Variants in ROBO2 observed in about 807,000 individuals in gnomAD.
ROBO2 encodes roundabout guidance receptor 2.
Under a neutral mutation model 160.8 loss-of-function variants are expected in ROBO2, and 53 were observed. The observed-to-expected ratio is 0.33, with a 90% confidence interval of 0.26 to 0.41. The LOEUF (loss-of-function observed/expected upper bound fraction) is 0.41. Among genes scored for constraint, ROBO2 ranks in the 10% least tolerant of loss-of-function variants. ROBO2 has a pLI of 1.00. For synonymous variants in ROBO2, 664 were observed against 611.7 expected (o/e 1.09, Z -1.26); for missense variants, 1,577 against 1,722.4 (o/e 0.92, Z 1.49).
chr3:77,532,481 A>C (rs2091813940), intron 6 of ROBO2, among the ~76,000 whole-genome samples: 1 of 151,492 alleles, frequency 6.6e-6, no homozygotes, highest in Non-Finnish European at 1.5e-5. Flanking sequence ...TATTTCAATA[A>C]CCTTTTCTTC....
chr3:76,697,935 C>T (rs2092962861), intron 2 of ROBO2, among the ~76,000 whole-genome samples: 2 of 152,052 alleles, frequency 1.3e-5, no homozygotes, highest in Admixed American at 1.3e-4. Context: ...ATATAGAATG[C>T]CTGTAGAAGC....
chr3:76,126,977 G>T (rs2071013270), intron 2 of ROBO2, among the ~76,000 whole-genome samples: 1 of 152,098 alleles, frequency 6.6e-6, no homozygotes, highest in Admixed American at 6.6e-5. Context: ...TCCTTTCCGT[G>T]TTTACCTCCA....
At chr3:76,415,832 A>G (rs2075736123) in intron 2 of ROBO2, among the ~76,000 whole-genome samples, 1 of 152,238 alleles carries the variant, frequency 6.6e-6, no homozygotes, top group African/African-American at 2.4e-5. Context: ...CACAATTTTA[A>G]TAAGAACAAA....
At chr3:76,885,473 A>C (rs2073782876) in intron 2 of ROBO2, among the ~76,000 whole-genome samples, 1 of 152,180 alleles carries the variant, frequency 6.6e-6, no homozygotes, top group Non-Finnish European at 1.5e-5. Flanking sequence ...TAAAGCTGTT[A>C]TACGTTTTAT....
intron 2 of ROBO2, among the ~76,000 whole-genome samples, chr3:76,515,297 G>A (rs896459994): frequency 1.3e-5 from 2 of 151,994 alleles, no homozygotes; most frequent in Non-Finnish European, 2.9e-5. Flanking sequence ...AAGCATTCAG[G>A]TGAAAGGGAA....
At chr3:76,797,273 T>C (rs552046981) in intron 2 of ROBO2, among the ~76,000 whole-genome samples, 2 of 152,028 alleles carry the variant, frequency 1.3e-5, no homozygotes, top group South Asian at 2.1e-4. Context: ...TGGAATAAAA[T>C]TGGAAATCAA....
intron 2 of ROBO2, among the ~76,000 whole-genome samples, chr3:76,536,751 G>C (rs1184375423): frequency 6.6e-6 from 1 of 152,004 alleles, no homozygotes; most frequent in Non-Finnish European, 1.5e-5. Flanking sequence ...GGAGAGGTCA[G>C]GATGACATTA....
chr3:76,840,340 T>C (rs879524147), intron 2 of ROBO2, among the ~76,000 whole-genome samples: 2 of 151,908 alleles, frequency 1.3e-5, no homozygotes, highest in Admixed American at 6.6e-5. Flanking sequence ...CTGGGCGCGG[T>C]AGCTCATACC....
chr3:76,823,691 G>A (rs2066317754), intron 2 of ROBO2, among the ~76,000 whole-genome samples: 1 of 152,118 alleles, frequency 6.6e-6, no homozygotes, highest in Non-Finnish European at 1.5e-5. Context: ...AAAGAGAATA[G>A]CAAAGCCCAA....
intron 2 of ROBO2, among the ~76,000 whole-genome samples, chr3:76,813,151 T>C (rs1474371245): frequency 6.6e-6 from 1 of 152,080 alleles, no homozygotes; most frequent in Non-Finnish European, 1.5e-5. Context: ...AAGAACATTC[T>C]GCCTGCAGCA....
chr3:77,409,726 T>C (rs1410015440), intron 2 of ROBO2, among the ~76,000 whole-genome samples: 1 of 152,158 alleles, frequency 6.6e-6, no homozygotes, highest in African/African-American at 2.4e-5. Context: ...TGGTTTCAAG[T>C]AGCATTAAAA....
At chr3:77,023,964 C>T (rs2062796326) in intron 2 of ROBO2, among the ~76,000 whole-genome samples, 1 of 152,078 alleles carries the variant, frequency 6.6e-6, no homozygotes, top group Non-Finnish European at 1.5e-5. Context: ...TTATAAATAG[C>T]AACCTTAATT....
chr3:76,399,813 G>A (rs866636812), intron 2 of ROBO2, among the ~76,000 whole-genome samples: 3 of 151,776 alleles, frequency 2.0e-5, no homozygotes, highest in South Asian at 2.1e-4. Context: ...CTTCAAGAGC[G>A]CACATTGGCG....
At position 77,456,792 on chromosome 3, in the gene ROBO2, T is replaced by C. The variant is rs570261627; in HGVS notation, c.389-20622T>C. On this transcript the variant is annotated intron_variant, in intron 2 of 25. Transcript: ENST00000461745. ...AATATATTCTTAGAAGAATCCACAC[T>C]TACTGAAAAAGGAGGCATATCATGG... Among the ~76,000 whole-genome samples the C allele has an allele frequency of 4.9e-4, 75 of 152,278 alleles. 1 individual carries two copies. Among genetic ancestry groups the C allele is most frequent in the African/African-American group, 1.7e-3 (71 of 41,552 alleles).
At chr3:77,116,564 GA>G (rs112602994) in intron 2 of ROBO2, among the ~76,000 whole-genome samples, 24,061 of 151,854 alleles carry the variant, frequency 0.16, 3,382 homozygotes, top group African/African-American at 0.38. Context: ...TGGACACTTA[GA>G]AAAAAATACA....
chr3:76,805,034 C>A (rs1367331487), intron 2 of ROBO2, among the ~76,000 whole-genome samples: 1 of 152,076 alleles, frequency 6.6e-6, no homozygotes, highest in Admixed American at 6.6e-5. Flanking sequence ...ATATTGTGAG[C>A]ATTTTGAGCG....
exon 1 of ROBO2, chr3:77,040,754 T>G: frequency 6.2e-7 from 1 of 1,614,066 alleles, no homozygotes; most frequent in South Asian, 1.1e-5. Context: ...ATTGGTTTCT[T>G]AAAGAATCTG....
At chr3:76,482,500 T>C (rs909921394) in intron 2 of ROBO2, among the ~76,000 whole-genome samples, 1 of 152,160 alleles carries the variant, frequency 6.6e-6, no homozygotes, top group African/African-American at 2.4e-5. Flanking sequence ...GATACTATAA[T>C]TGCCCATTTT....
intron 2 of ROBO2, among the ~76,000 whole-genome samples, chr3:77,278,049 T>C (rs2060007102): frequency 6.6e-6 from 1 of 152,168 alleles, no homozygotes; most frequent in Non-Finnish European, 1.5e-5. Flanking sequence ...TGCAAGGAAA[T>C]GCAGTTTTCT....
Sources: allele counts gnomAD v4.1 joint callset (sites outside exome capture counted in the v4.1 genomes callset), GRCh38; gene constraint gnomAD v4.1.1; transcripts MANE v1.5; gene names NCBI Gene and HGNC (gene_info 2026-07-23, HGNC 2026-07-21).